Variants in LUZP2 observed in about 807,000 individuals in gnomAD.
LUZP2 encodes leucine zipper protein 2.
Under a neutral mutation model 51.6 loss-of-function variants are expected in LUZP2, and 52 were observed. The ratio of observed to expected loss-of-function variants is 1.01; its 90% CI spans 0.81 to 1.27. LUZP2 has a LOEUF of 1.27. Ranked by LOEUF, LUZP2 falls within the 50% of genes most tolerant of loss-of-function variation. The pLI is 0.00. For missense variants in LUZP2, 436 were observed against 395.4 expected (o/e 1.10, Z -0.87); for synonymous variants, 154 against 137.3 (o/e 1.12, Z -0.85).
At chr11:24,561,795 C>T (rs192179096) in intron 1 of LUZP2, among the ~76,000 whole-genome samples, 1 of 125,866 alleles carries the variant, frequency 7.9e-6, no homozygotes, top group East Asian at 2.0e-4. Context: ...ACGTTCTGCA[C>T]ATGCACCCCA....
chr11:24,608,181 A>C (rs969861013), intron 1 of LUZP2, among the ~76,000 whole-genome samples: 1 of 152,124 alleles, frequency 6.6e-6, no homozygotes, highest in Non-Finnish European at 1.5e-5. Context: ...TTAAGGGTAC[A>C]GCCAGCAAAG....
chr11:24,694,479 T>C (rs1024608994), intron 1 of LUZP2, among the ~76,000 whole-genome samples: 2 of 152,090 alleles, frequency 1.3e-5, no homozygotes, highest in African/African-American at 4.8e-5. Flanking sequence ...CAAATACTTA[T>C]AGAATTAATA....
intron 5 of LUZP2, among the ~76,000 whole-genome samples, chr11:24,824,394 T>A (rs1362221707): frequency 0.057 from 1,224 of 21,366 alleles, 2 homozygotes; most frequent in Non-Finnish European, 0.081. Context: ...AAAAAAAAAA[T>A]GAGTGGTACC....
At chr11:24,712,201 G>A (rs945276108) in intron 1 of LUZP2, among the ~76,000 whole-genome samples, 6 of 152,010 alleles carry the variant, frequency 3.9e-5, no homozygotes, top group African/African-American at 1.2e-4. Context: ...CAGGGAGATC[G>A]CTTGAGCTCA....
chr11:24,985,493 G>C (rs1856162816), intron 9 of LUZP2, among the ~76,000 whole-genome samples: 1 of 151,748 alleles, frequency 6.6e-6, no homozygotes, highest in South Asian at 2.1e-4. Flanking sequence ...CCAAACTAAA[G>C]TAGAAACAAA....
At chr11:25,040,343 A>ATTTTTTTT (rs57668112) in intron 9 of LUZP2, among the ~76,000 whole-genome samples, 1,977 of 98,582 alleles carry the variant, frequency 0.02, 273 homozygotes, top group South Asian at 0.061. Flanking sequence ...TTTCTTTCCG[A>ATTTTTTTT]TTTTTTTTTT....
At chr11:24,670,343 G>A (rs886284850) in intron 1 of LUZP2, among the ~76,000 whole-genome samples, 1 of 152,144 alleles carries the variant, frequency 6.6e-6, no homozygotes, top group East Asian at 1.9e-4. Flanking sequence ...AACAGTCACA[G>A]CCACTACAAG....
chr11:24,842,343 T>C (rs532142062), intron 5 of LUZP2, among the ~76,000 whole-genome samples: 42 of 151,316 alleles, frequency 2.8e-4, no homozygotes, highest in African/African-American at 9.7e-4. Flanking sequence ...GATGTAATAG[T>C]TCTACACATA....
intron 2 of LUZP2, among the ~76,000 whole-genome samples, chr11:24,729,948 A>G (rs1053589694): frequency 6.6e-6 from 1 of 151,832 alleles, no homozygotes; most frequent in Admixed American, 6.6e-5. Flanking sequence ...TAGGAAAGAT[A>G]TGTTATTTTT....
At chr11:24,803,249 T>C (rs910033545) in intron 5 of LUZP2, among the ~76,000 whole-genome samples, 5 of 152,036 alleles carry the variant, frequency 3.3e-5, no homozygotes, top group African/African-American at 4.8e-5. Context: ...AATGGCTAAG[T>C]AGCTGGTGAG....
At chr11:24,592,472 C>G (rs941466728) in intron 1 of LUZP2, among the ~76,000 whole-genome samples, 5 of 152,042 alleles carry the variant, frequency 3.3e-5, no homozygotes, top group African/African-American at 1.2e-4. Flanking sequence ...AGGGAAGTTG[C>G]CTGTTACATG....
intron 7 of LUZP2, among the ~76,000 whole-genome samples, chr11:24,971,079 A>C (rs904263315): frequency 6.6e-6 from 1 of 152,156 alleles, no homozygotes; most frequent in Non-Finnish European, 1.5e-5. Flanking sequence ...CTCACTTATA[A>C]GTAGGAGATA....
At chr11:24,831,627 A>G (rs950293871) in intron 5 of LUZP2, among the ~76,000 whole-genome samples, 2 of 152,204 alleles carry the variant, frequency 1.3e-5, no homozygotes, top group Non-Finnish European at 2.9e-5. Context: ...TAAGAATAGG[A>G]GTCAAACACA....
At chr11:24,693,137 G>A (rs377568899) in intron 1 of LUZP2, among the ~76,000 whole-genome samples, 44 of 151,882 alleles carry the variant, frequency 2.9e-4, no homozygotes, top group African/African-American at 1.0e-3. Flanking sequence ...GATTTTTACA[G>A]TTTGATTTTT....
chr11:25,019,533 G>C (rs542700157), intron 9 of LUZP2, among the ~76,000 whole-genome samples: 1 of 151,914 alleles, frequency 6.6e-6, no homozygotes, highest in Admixed American at 6.6e-5. Context: ...AGCATGGTTT[G>C]GTTGATTTAA....
At chr11:24,690,140 TAA>T (rs926012938) in intron 1 of LUZP2, among the ~76,000 whole-genome samples, 2 of 152,122 alleles carry the variant, frequency 1.3e-5, no homozygotes, top group Non-Finnish European at 2.9e-5. Context: ...TAAATTTTTA[TAA>T]GATTTTAATT....
intron 1 of LUZP2, among the ~76,000 whole-genome samples, chr11:24,532,711 A>G (rs954980521): frequency 4.6e-5 from 7 of 151,206 alleles, no homozygotes; most frequent in African/African-American, 1.7e-4. Context: ...TTCAAATGTA[A>G]TAACTAATCT....
In LUZP2 at chr11:25,082,031, A is replaced by C. The variant is rs1234932365; in HGVS notation, c.*3373A>C. ...AATATGTAAACTGAACCTGTTCCTA[A>C]AATGCATTAAACTTGAATGCTGTGT... On this transcript the variant is annotated 3_prime_UTR_variant, in exon 12 of 12. Transcript: ENST00000336930. 6.6e-6 allele frequency: 1 copy of C among 152,336 alleles called. No individual in the cohort carries two copies. The highest frequency in any genetic ancestry group is 1.5e-5 in the Non-Finnish European group (1 of 67,996). The allele number at this position is 152,336 out of a possible 1,614,324, so 9.4% of individuals were successfully genotyped here.
At chr11:25,012,137 G>A (rs997044473) in intron 9 of LUZP2, among the ~76,000 whole-genome samples, 1 of 152,044 alleles carries the variant, frequency 6.6e-6, no homozygotes, top group Non-Finnish European at 1.5e-5. Flanking sequence ...TGCCTTGAAG[G>A]GTAATCTGCT....
Sources: gnomAD v4.1 joint callset for allele counts (sites outside exome capture counted in the v4.1 genomes callset) on GRCh38, gnomAD v4.1.1 for gene constraint, MANE v1.5 for transcripts, NCBI Gene and HGNC (gene_info 2026-07-23, HGNC 2026-07-21) for gene names.